RPA2: variants seen among roughly 807,000 people sequenced by gnomAD.
RPA2 encodes the protein replication protein A 32 kDa subunit.
RPA2 carries 22 observed loss-of-function variants against 33.4 expected under a neutral mutation model. The observed-to-expected ratio is 0.66, with a 90% CI of 0.47 to 0.94. The LOEUF is 0.94. RPA2 is among the 40% of genes least tolerant of loss of function. The probability of loss-of-function intolerance (pLI) is 0.00; values close to 1 mark genes in which losing one functional copy is unlikely to be tolerated. For missense variants in RPA2, 279 were observed against 329.9 expected (o/e 0.85, Z 1.19); for synonymous variants, 109 against 114.9 (o/e 0.95, Z 0.33).
intron 2 of RPA2, among the ~76,000 whole-genome samples, chr1:27,913,839 T>C (rs1345762622): frequency 1.3e-5 from 2 of 152,094 alleles, no homozygotes; most frequent in Non-Finnish European, 2.9e-5. Context: ...AATTTCAAAA[T>C]AAGGCCAACG....
chr1:27,914,185 G>A lies in RPA2; in HGVS notation c.11-16C>T, dbSNP rs995998712. The A allele has an allele frequency of 1.2e-6, 2 of 1,613,626 alleles. No individual in the cohort carries two copies. Among genetic ancestry groups the A allele is most frequent in the Non-Finnish European group, 1.7e-6 (2 of 1,179,884 alleles). ...TCGAATCCACCTGTTTTGAACAACA[G>A]GATTAGTGCCTGTGCCACGTCCCAC... On this transcript the variant is annotated splice_polypyrimidine_tract_variant and intron_variant, in intron 1 of 8. Coordinates refer to ENST00000373912, the MANE Select transcript of RPA2 (RefSeq NM_002946.5).
intron 5 of RPA2, 77 bp downstream of exon 5, chr1:27,897,556 T>C: frequency 1.0e-6 from 1 of 988,838 alleles, no homozygotes; most frequent in Non-Finnish European, 1.5e-6. Context: ...GTATTTTAAC[T>C]ATCCAAAAGC....
intron 6 of RPA2, among the ~76,000 whole-genome samples, chr1:27,896,459 C>T (rs1210525268): frequency 1.3e-5 from 2 of 152,144 alleles, no homozygotes; most frequent in Non-Finnish European, 2.9e-5. Flanking sequence ...TGAACCACCA[C>T]ACCTTGCCCT....
intron 4 of RPA2, among the ~76,000 whole-genome samples, chr1:27,904,703 G>C (rs1447990660): frequency 6.6e-6 from 1 of 151,762 alleles, no homozygotes. Context: ...AGAGCAGTGC[G>C]CAATCTGCTG....
intron 8 of RPA2, among the ~76,000 whole-genome samples, 185 bp from the exon 9 acceptor site, chr1:27,892,432 G>C (rs2089836473): frequency 6.6e-6 from 1 of 152,168 alleles, no homozygotes; most frequent in African/African-American, 2.4e-5. Context: ...TAGCAAAACA[G>C]AGCTTATTCA....
At chr1:27,905,111 T>C (rs1401665318) in intron 4 of RPA2, among the ~76,000 whole-genome samples, 2 of 152,206 alleles carry the variant, frequency 1.3e-5, no homozygotes, top group Admixed American at 6.5e-5. Flanking sequence ...CACTTATATA[T>C]ATGCTGCTTT....
intron 4 of RPA2, among the ~76,000 whole-genome samples, chr1:27,900,024 G>A (rs369278386): frequency 8.6e-5 from 13 of 151,640 alleles, no homozygotes; most frequent in African/African-American, 3.2e-4. Flanking sequence ...GACCAGGCTA[G>A]TCTTGAACTC....
At chr1:27,894,950 C>G (rs888932044) in intron 6 of RPA2, among the ~76,000 whole-genome samples, 14 of 152,206 alleles carry the variant, frequency 9.2e-5, no homozygotes, top group African/African-American at 2.7e-4. Context: ...TCACCAAAGA[C>G]TTTTCAACCA....
intron 6 of RPA2, among the ~76,000 whole-genome samples, chr1:27,896,436 A>G (rs1051801687): frequency 9.2e-5 from 14 of 152,030 alleles, no homozygotes; most frequent in Non-Finnish European, 4.4e-5. Flanking sequence ...CAAAGTGCTG[A>G]GATTTCAGGC....
intron 4 of RPA2, among the ~76,000 whole-genome samples, chr1:27,898,142 G>A (rs1571608193): frequency 6.6e-6 from 1 of 152,020 alleles, no homozygotes; most frequent in South Asian, 2.1e-4. Flanking sequence ...GATTACAGGC[G>A]CCCGCCACCA....
At chr1:27,897,481 AAAAG>A (rs1202842236) in intron 5 of RPA2, 148 bp downstream of exon 5, 5 of 500,224 alleles carry the variant, frequency 1.0e-5, no homozygotes, top group Non-Finnish European at 1.7e-5. Context: ...AAAAAAAAAA[AAAAG>A]AAAAGTTATT....
At position 27,911,184 on chromosome 1, in the gene RPA2, C is replaced by G. The variant is rs1294352505; in HGVS notation, c.117+2879G>C. Among the ~76,000 whole-genome samples the G allele has an allele frequency of 2.0e-5, 3 of 151,896 alleles. No homozygotes were observed. In the East Asian group the frequency reaches 5.8e-4, roughly 29 times the overall value. ...TGAGCTGAGATTGTTCCACTGCACT[C>G]TGGCCTGGGCAACAGAGAGACTGTC... On this transcript the variant is annotated intron_variant, in intron 2 of 8. Coordinates refer to ENST00000373912, the MANE Select transcript of RPA2 (RefSeq NM_002946.5).
At chr1:27,892,733 C>T (rs1387300448) in intron 8 of RPA2, among the ~76,000 whole-genome samples, 3 of 151,992 alleles carry the variant, frequency 2.0e-5, no homozygotes, top group Admixed American at 6.5e-5. Flanking sequence ...GTGTCAGTAA[C>T]GTATTTAATA....
intron 2 of RPA2, 46 bp downstream of exon 2, chr1:27,914,017 A>G: frequency 6.7e-7 from 1 of 1,495,096 alleles, no homozygotes; most frequent in Non-Finnish European, 9.0e-7. Context: ...TGACTCAGGG[A>G]CTTCAGGACA....
At chr1:27,894,549 A>C (rs2089866444) in intron 6 of RPA2, 152 bp from the exon 7 acceptor site, 2 of 597,926 alleles carry the variant, frequency 3.3e-6, no homozygotes, top group Non-Finnish European at 5.8e-6. Flanking sequence ...GACAGCTATT[A>C]TCTAATGAGT....
At chr1:27,892,293 A>T (rs2089834754) in intron 8 of RPA2, 46 bp from the exon 9 acceptor site, 2 of 1,517,374 alleles carry the variant, frequency 1.3e-6, no homozygotes, top group Non-Finnish European at 1.8e-6. Context: ...AGGCCAATTC[A>T]GAAGGAAACT....
At chr1:27,902,460 T>A (rs1281652186) in intron 4 of RPA2, among the ~76,000 whole-genome samples, 1 of 151,902 alleles carries the variant, frequency 6.6e-6, no homozygotes, top group Non-Finnish European at 1.5e-5. Context: ...ATTTTTTTAT[T>A]TTTAGTAGAG....
At chr1:27,914,767 G>A (rs1050331444), upstream of RPA2, 8 of 1,254,746 alleles carry the variant, frequency 6.4e-6, no homozygotes, top group Admixed American at 6.4e-5. Flanking sequence ...GGCTGGCAGA[G>A]CGGTATCGCA....
In RPA2 at chr1:27,892,199, C is replaced by T. The variant is rs780497137; in HGVS notation, c.777G>A (p.Val259=). 1 of 1,612,904 alleles carries T rather than the reference C, an allele frequency of 6.2e-7. No homozygotes were observed. Among genetic ancestry groups the T allele is most frequent in the South Asian group, 1.1e-5 (1 of 90,982 alleles). ...CTGTGGATTTAAAATGGTCATCATCCACAGTAGAATAGATGTGCCCCTCAT... is the reference window on the plus strand; with the variant it reads ...CTGTGGATTTAAAATGGTCATCATCTACAGTAGAATAGATGTGCCCCTCAT... The part of the protein sequence containing the change: ...LSNEGHIYST[V]DDDHFKSTDA... Residue 259 remains valine (V), a synonymous_variant, in exon 9 of 9, where the codon GTG becomes GTA. Transcript: ENST00000373912.
Sources: gnomAD v4.1 joint callset for allele counts (sites outside exome capture counted in the v4.1 genomes callset) on GRCh38, gnomAD v4.1.1 for gene constraint, MANE v1.5 for transcripts, NCBI Gene and HGNC (gene_info 2026-07-23, HGNC 2026-07-21) for gene names.